The following ANKRD30BL variants were observed in gnomAD, a reference collection of about 807,000 sequenced individuals.
ANKRD30BL encodes the protein ankyrin repeat domain 30B like.
ANKRD30BL carries 20 observed loss-of-function variants against 18.4 expected under a neutral mutation model. The ratio of observed to expected loss-of-function variants is 1.09; its 90% CI spans 0.77 to 1.58. The LOEUF is 1.58. Ranked by LOEUF, ANKRD30BL falls within the 40% of genes most tolerant of loss-of-function variation. The probability of loss-of-function intolerance (pLI) is 0.00; values close to 1 mark genes in which losing one functional copy is unlikely to be tolerated. For synonymous variants in ANKRD30BL, 72 were observed against 100.9 expected, an observed-to-expected ratio of 0.71 and a Z score of 1.72; for missense variants, 224 against 268.6, an observed-to-expected ratio of 0.83 and a Z score of 1.16.
At chr2:132,256,595 G>C (rs1417923954) in intron 1 of ANKRD30BL, among the ~76,000 whole-genome samples, 7 of 152,204 alleles carry the variant, frequency 4.6e-5, no homozygotes, top group African/African-American at 1.4e-4. Context: ...TGGAGCGGCC[G>C]ACTGGCCTTC....
chr2:132,211,290 A>C (rs1488753379), intron 1 of ANKRD30BL, among the ~76,000 whole-genome samples: 1 of 148,652 alleles, frequency 6.7e-6, no homozygotes, highest in Non-Finnish European at 1.5e-5. Context: ...CATCTCACAG[A>C]GTTGAACCTT....
Position 132,161,750 on chromosome 2 carries a change from G to T in ANKRD30BL, c.-45C>A, listed in dbSNP as rs753957398. On this transcript the variant is annotated 5_prime_UTR_variant, in exon 1 of 6. Coordinates refer to ENST00000409867, the MANE Select transcript of ANKRD30BL (RefSeq NM_001358416.1). ...AGAGAGCCCGTGCCTCCCGCTGCTC[G>T]CCCTTCCCCAGTCCCCGCCGCTCGC... 4 of 898,150 alleles carry T rather than the reference G, an allele frequency of 4.5e-6. No individual in the cohort carries two copies. In the Admixed American group the frequency reaches 6.2e-5, roughly 14 times the overall value. 55.6% of individuals were successfully genotyped at this position (898,150 alleles called of 1,614,324 possible).
intron 1 of ANKRD30BL, among the ~76,000 whole-genome samples, chr2:132,201,011 C>A (rs1012896985): frequency 3.3e-5 from 5 of 152,120 alleles, no homozygotes; most frequent in Admixed American, 6.6e-5. Flanking sequence ...ACTATCTGAT[C>A]TTTGACAAAC....
chr2:132,228,331 C>T (rs1026932066), intron 1 of ANKRD30BL, among the ~76,000 whole-genome samples: 1 of 151,208 alleles, frequency 6.6e-6, no homozygotes, highest in African/African-American at 2.4e-5. Context: ...CAGAGTTGAA[C>T]CTTTCTTTTG....
At chr2:132,208,457 A>AT (rs770853988) in intron 1 of ANKRD30BL, among the ~76,000 whole-genome samples, 1 of 152,126 alleles carries the variant, frequency 6.6e-6, no homozygotes, top group Admixed American at 6.6e-5. Context: ...TCTCTGGAGC[A>AT]TATCAACCGG....
At chr2:132,232,164 C>T (rs1252464909) in intron 1 of ANKRD30BL, among the ~76,000 whole-genome samples, 2 of 152,148 alleles carry the variant, frequency 1.3e-5, no homozygotes, top group Non-Finnish European at 2.9e-5. Flanking sequence ...GAAAGGACAT[C>T]CACAACAAAA....
At chr2:132,253,036 G>A (rs1468029671) in intron 1 of ANKRD30BL, 2 of 152,526 alleles carry the variant, frequency 1.3e-5, no homozygotes, top group Non-Finnish European at 2.9e-5. Context: ...AGCAGGATAG[G>A]AGGGCGAATG....
intron 1 of ANKRD30BL, among the ~76,000 whole-genome samples, chr2:132,231,906 C>T (rs899301330): frequency 6.6e-6 from 1 of 152,126 alleles, no homozygotes; most frequent in African/African-American, 2.4e-5. Flanking sequence ...AAACAAAAAG[C>T]AGTAACCTCT....
chr2:132,235,994 T>A (rs1282753583), intron 1 of ANKRD30BL, among the ~76,000 whole-genome samples: 1 of 152,002 alleles, frequency 6.6e-6, no homozygotes, highest in Non-Finnish European at 1.5e-5. Flanking sequence ...AACAGAGATA[T>A]AGATCAATGG....
intron 1 of ANKRD30BL, among the ~76,000 whole-genome samples, chr2:132,214,653 G>A (rs1679442839): frequency 6.6e-6 from 1 of 151,868 alleles, no homozygotes; most frequent in Non-Finnish European, 1.5e-5. Flanking sequence ...TGAGGCATAT[G>A]GTGGAAAAGG....
chr2:132,251,485 C>G (rs1041202040), intron 1 of ANKRD30BL, among the ~76,000 whole-genome samples: 2 of 152,212 alleles, frequency 1.3e-5, no homozygotes, highest in African/African-American at 4.8e-5. Context: ...CCACCCCTTC[C>G]CCTTGGCAAC....
At chr2:132,257,965 C>T (rs1290609831) in exon 1 of ANKRD30BL, 1 of 153,302 alleles carries the variant, frequency 6.5e-6, no homozygotes, top group Non-Finnish European at 1.5e-5. Context: ...GCGCACGCGT[C>T]ATCTGCCCCA....
At chr2:132,254,132 T>A (rs1460214218) in intron 1 of ANKRD30BL, among the ~76,000 whole-genome samples, 2 of 149,630 alleles carry the variant, frequency 1.3e-5, no homozygotes, top group Non-Finnish European at 3.0e-5. Flanking sequence ...CTGCGAGCCA[T>A]CCAGCCCGCC....
At position 132,223,436 on chromosome 2, in the gene ANKRD30BL, G is replaced by A. The variant is rs564605528; in HGVS notation, n.441+34093C>T. ...TTTGGAGCGCTTTGAGGCCCAAGGT[G>A]GAAAAGGAAATATCTTCCCATAGAA... On this transcript the variant is annotated intron_variant and non_coding_transcript_variant, in intron 1 of 4. Transcript: ENST00000470729. Among the ~76,000 whole-genome samples the A allele has an allele frequency of 9.3e-3, 1,410 of 152,028 alleles. 22 individuals are homozygous for A. Among genetic ancestry groups the A allele is most frequent in the African/African-American group, 0.031 (1,305 of 41,494 alleles).
intron 4 of ANKRD30BL, chr2:132,153,658 T>G (rs763020404): frequency 4.8e-6 from 6 of 1,249,940 alleles, no homozygotes; most frequent in Non-Finnish European, 6.6e-6. Context: ...CAACTATCTC[T>G]GATGATCCAT....
intron 1 of ANKRD30BL, among the ~76,000 whole-genome samples, chr2:132,212,946 C>T (rs556131260): frequency 5.3e-4 from 80 of 151,902 alleles, no homozygotes; most frequent in Non-Finnish European, 1.0e-3. Flanking sequence ...ACATTTGGAG[C>T]GATTTGCAGC....
chr2:132,186,759 G>A (rs917327595), intron 1 of ANKRD30BL, among the ~76,000 whole-genome samples: 2 of 152,118 alleles, frequency 1.3e-5, no homozygotes, highest in African/African-American at 4.8e-5. Flanking sequence ...AGAGGTAGAT[G>A]AAACTTGATA....
intron 1 of ANKRD30BL, among the ~76,000 whole-genome samples, chr2:132,184,880 C>A (rs955244998): frequency 6.6e-6 from 1 of 151,528 alleles, no homozygotes; most frequent in Non-Finnish European, 1.5e-5. Context: ...GTGGTGCAAT[C>A]TCAGCTCATG....
At chr2:132,237,338 T>TCG (rs1355178256) in intron 1 of ANKRD30BL, among the ~76,000 whole-genome samples, 1 of 152,018 alleles carries the variant, frequency 6.6e-6, no homozygotes, top group Non-Finnish European at 1.5e-5. Flanking sequence ...TGTACTCAAC[T>TCG]CACAGTTAAA....
Sources: allele counts gnomAD v4.1 joint callset (sites outside exome capture counted in the v4.1 genomes callset), GRCh38; gene constraint gnomAD v4.1.1; transcripts MANE v1.5; gene names NCBI Gene and HGNC (gene_info 2026-07-23, HGNC 2026-07-21).